ADTRP: variants seen among roughly 807,000 people sequenced by gnomAD.
ADTRP encodes the protein androgen-dependent TFPI-regulating protein.
In ADTRP, 20 loss-of-function variants were observed where a neutral mutation model predicts 27.0. The observed-to-expected ratio is 0.74, with a 90% CI of 0.52 to 1.08. The LOEUF (loss-of-function observed/expected upper bound fraction) is 1.08, where lower values mean the gene tolerates loss of function less well. ADTRP is among the 50% of genes least tolerant of loss of function. The pLI is 0.00. For missense variants in ADTRP, 251 were observed against 275.0 expected (o/e 0.91, Z 0.62); for synonymous variants, 101 against 105.2 (o/e 0.96, Z 0.25).
chr6:11,761,017 C>T (rs1212712242), intron 3 of ADTRP, among the ~76,000 whole-genome samples: 1 of 152,172 alleles, frequency 6.6e-6, no homozygotes, highest in East Asian at 1.9e-4. Context: ...CTCTTATCTC[C>T]TCCCTCCTCA....
intron 4 of ADTRP, among the ~76,000 whole-genome samples, chr6:11,724,309 A>G (rs210903): frequency 0.74 from 112,595 of 152,048 alleles, 42,044 homozygotes; most frequent in East Asian, 0.83. Flanking sequence ...GAGCAGAGAT[A>G]GAGCGTTATT....
chr6:11,733,677 G>C (rs1222004292), intron 4 of ADTRP, among the ~76,000 whole-genome samples: 1 of 152,180 alleles, frequency 6.6e-6, no homozygotes, highest in African/African-American at 2.4e-5. Flanking sequence ...GAACTTCACT[G>C]TATCCTCCAT....
chr6:11,774,089 A>G (rs1183544427), intron 1 of ADTRP, among the ~76,000 whole-genome samples: 2 of 152,148 alleles, frequency 1.3e-5, no homozygotes, highest in Non-Finnish European at 1.5e-5. Context: ...CAGGCGGATC[A>G]CAAGGTCAGG....
chr6:11,737,556 T>G (rs1762589540), intron 3 of ADTRP, among the ~76,000 whole-genome samples: 1 of 152,146 alleles, frequency 6.6e-6, no homozygotes, highest in Non-Finnish European at 1.5e-5. Context: ...CAGTCGGATA[T>G]CATAATGACC....
At chr6:11,725,899 C>CAAAAAAAAAAAA (rs59048593) in intron 4 of ADTRP, among the ~76,000 whole-genome samples, 26 of 89,924 alleles carry the variant, frequency 2.9e-4, no homozygotes, top group African/African-American at 8.4e-4. Context: ...GACTCTATCT[C>CAAAAAAAAAAAA]AAAAAAAAAA....
chr6:11,733,042 G>C (rs146968479), intron 4 of ADTRP, among the ~76,000 whole-genome samples: 1 of 152,282 alleles, frequency 6.6e-6, no homozygotes, highest in African/African-American at 2.4e-5. Flanking sequence ...TCTGCCATAT[G>C]ACCATGGGCA....
intron 5 of ADTRP, among the ~76,000 whole-genome samples, chr6:11,719,763 C>T (rs977665380): frequency 3.4e-4 from 52 of 152,176 alleles, no homozygotes; most frequent in Admixed American, 4.6e-4. Context: ...TACCTGAGGA[C>T]GTGCATCATC....
intron 3 of ADTRP, among the ~76,000 whole-genome samples, chr6:11,764,079 A>G (rs562321187): frequency 1.3e-5 from 2 of 152,320 alleles, no homozygotes; most frequent in South Asian, 4.1e-4. Flanking sequence ...TGAGGGATTC[A>G]GGTTACTTGA....
At chr6:11,752,173 ATTTTAG>A in intron 3 of ADTRP, among the ~76,000 whole-genome samples, 1 of 152,118 alleles carries the variant, frequency 6.6e-6, no homozygotes, top group East Asian at 1.9e-4. Context: ...ATTCTGCTTT[ATTTTAG>A]TTTTGGGAAT....
chr6:11,748,336 C>T (rs1191101354), intron 3 of ADTRP, among the ~76,000 whole-genome samples: 1 of 152,210 alleles, frequency 6.6e-6, no homozygotes, highest in Admixed American at 6.5e-5. Context: ...TGCTTCTTGG[C>T]CCCAGCACAC....
rs759029874 is a variant in ADTRP at position 11,768,305 on chromosome 6, A to C, written c.232T>G (p.Phe78Val). 3.7e-6 allele frequency: 6 copies of C among 1,614,222 alleles called. No individual in the cohort carries two copies. In the East Asian group the frequency reaches 1.3e-4, roughly 36 times the overall value. ...AGCAGGTCTCTGAAGGCAGTTAGGA[A>C]CTTAATGTCTTTTCCCCCTTTGGTT... is the stretch of plus-strand genomic sequence containing the variant. ...KRTKGGKDIKFLTAFRDLLFT... is the reference protein window; with the variant it reads ...KRTKGGKDIKVLTAFRDLLFT... The change falls in exon 2 of 6, where the codon TTC (phenylalanine) becomes GTC (valine). Residue 78 changes from phenylalanine to valine, a missense_variant. Coordinates refer to ENST00000414691, the MANE Select transcript of ADTRP (RefSeq NM_032744.4).
At chr6:11,742,373 C>T (rs955517293) in intron 3 of ADTRP, among the ~76,000 whole-genome samples, 8 of 151,964 alleles carry the variant, frequency 5.3e-5, no homozygotes, top group African/African-American at 1.9e-4. Context: ...TTTGAGACAC[C>T]TTACTAAAAA....
chr6:11,744,537 T>C (rs1379493622), intron 3 of ADTRP, among the ~76,000 whole-genome samples: 10 of 152,250 alleles, frequency 6.6e-5, no homozygotes, highest in African/African-American at 1.9e-4. Context: ...GCAGAGACTG[T>C]CCTTTGTTGA....
chr6:11,767,118 T>C (rs1763597224), intron 2 of ADTRP, among the ~76,000 whole-genome samples: 1 of 152,208 alleles, frequency 6.6e-6, no homozygotes, highest in Non-Finnish European at 1.5e-5. Context: ...ATGCCTGTAA[T>C]CCTAGCACTT....
At chr6:11,742,835 G>C (rs2113260232) in intron 3 of ADTRP, among the ~76,000 whole-genome samples, 2 of 152,278 alleles carry the variant, frequency 1.3e-5, no homozygotes, top group Middle Eastern at 6.8e-3. Context: ...AACTCCAGAA[G>C]TACCATTTTC....
At chr6:11,754,928 GTC>G in intron 3 of ADTRP, 1 of 729,046 alleles carries the variant, frequency 1.4e-6, no homozygotes. Flanking sequence ...GATTTTTCAC[GTC>G]TGTCTTGAGA....
At chr6:11,742,362 C>G (rs1762746507) in intron 3 of ADTRP, among the ~76,000 whole-genome samples, 1 of 152,028 alleles carries the variant, frequency 6.6e-6, no homozygotes, top group South Asian at 2.1e-4. Flanking sequence ...CCCCATACAT[C>G]TTTGAGACAC....
intron 3 of ADTRP, chr6:11,738,701 G>A (rs1185346064): frequency 6.6e-6 from 1 of 152,222 alleles, no homozygotes; most frequent in Non-Finnish European, 1.5e-5. Flanking sequence ...AACAACTCAG[G>A]AATGCATGAC....
In ADTRP at chr6:11,766,378, G is replaced by T; in HGVS notation, c.289-3C>A. On this transcript the variant is annotated splice_polypyrimidine_tract_variant and splice_region_variant and intron_variant, in intron 2 of 5. Transcript: ENST00000414691. ...ATCCAGAATGCCAAAAATACAAACT[G>T]GAAAATAAAACACAAAAAATAGCAT... is the stretch of plus-strand genomic sequence containing the variant. 1 of 1,602,750 alleles carries T rather than the reference G, an allele frequency of 6.2e-7. No individual in the cohort carries two copies. The highest frequency in any genetic ancestry group is 1.1e-5 in the South Asian group (1 of 89,648).
Sources: allele counts gnomAD v4.1 joint callset (sites outside exome capture counted in the v4.1 genomes callset), GRCh38; gene constraint gnomAD v4.1.1; transcripts MANE v1.5; gene names NCBI Gene and HGNC (gene_info 2026-07-23, HGNC 2026-07-21).